Variants in TTLL4 observed in about 807,000 individuals in gnomAD.
The protein encoded by TTLL4 is tubulin tyrosine ligase like 4.
TTLL4 carries 85 observed loss-of-function variants against 122.7 expected under a neutral mutation model. The observed-to-expected ratio is 0.69, with a 90% CI of 0.58 to 0.83. TTLL4 has a LOEUF of 0.83. Among genes scored for constraint, TTLL4 ranks in the 40% least tolerant of loss-of-function variants. TTLL4 has a pLI of 0.00. For synonymous variants in TTLL4, 553 were observed against 563.0 expected (o/e 0.98, Z 0.25); for missense variants, 1,363 against 1,488.6 (o/e 0.92, Z 1.39).
intron 5 of TTLL4, among the ~76,000 whole-genome samples, chr2:218,741,923 A>G (rs1041461210): frequency 2.0e-5 from 3 of 152,228 alleles, no homozygotes; most frequent in Non-Finnish European, 4.4e-5. Flanking sequence ...CTTTTTCTCT[A>G]TATGAGGCTT....
At chr2:218,753,783 G>C (rs1299671976) in intron 19 of TTLL4, 114 bp downstream of exon 19, 1 of 1,181,486 alleles carries the variant, frequency 8.5e-7, no homozygotes, top group African/African-American at 1.5e-5. Context: ...CTGGGGGTTG[G>C]TGGGAGCGTC....
intron 1 of TTLL4, among the ~76,000 whole-genome samples, chr2:218,722,115 C>T (rs1336977426): frequency 2.0e-5 from 3 of 152,038 alleles, no homozygotes; most frequent in Non-Finnish European, 4.4e-5. Context: ...GACCTTATCT[C>T]TACAAAAAAT....
intron 19 of TTLL4, 50 bp from the exon 20 acceptor site, chr2:218,754,084 C>G: frequency 1.2e-6 from 2 of 1,607,850 alleles, no homozygotes; most frequent in Non-Finnish European, 1.7e-6. Flanking sequence ...AAGGTAAAGT[C>G]TCAGTTAAAC....
At position 218,733,657 on chromosome 2, in the gene TTLL4, C is replaced by A. The variant is rs562750421; in HGVS notation, c.-98-3922C>A. ...CTTAGAGAGAAGAGAATCCACTCTACTCTAGTACCTGCCCAGGTGTGTTGT... is the reference window on the plus strand; with the variant it reads ...CTTAGAGAGAAGAGAATCCACTCTAATCTAGTACCTGCCCAGGTGTGTTGT... On this transcript the variant is annotated intron_variant, in intron 2 of 19. Transcript: ENST00000392102. 4.2e-4 allele frequency among the ~76,000 whole-genome samples: 64 copies of A among 152,348 alleles called. 1 individual carries two copies. Among genetic ancestry groups the A allele is most frequent in the African/African-American group, 1.5e-3 (62 of 41,576 alleles).
chr2:218,739,588 T>C (rs1247576036), intron 3 of TTLL4, among the ~76,000 whole-genome samples: 2 of 152,252 alleles, frequency 1.3e-5, no homozygotes, highest in East Asian at 3.8e-4. Flanking sequence ...ACTTTCCTAC[T>C]TTTTCCAAAC....
At chr2:218,718,232 A>G (rs919523898) in intron 1 of TTLL4, among the ~76,000 whole-genome samples, 9 of 152,218 alleles carry the variant, frequency 5.9e-5, no homozygotes, top group Non-Finnish European at 1.0e-4. Context: ...GCATTTCCCA[A>G]GAGCCACACT....
At position 218,717,801 on chromosome 2, in the gene TTLL4, CT is replaced by C. The variant is rs923415185; in HGVS notation, c.-178+6778del. ...CCAGGCAAGTCAGTTCTATCTTCTTCTTTTTTTTTTTTTTGGAGACAGAGTC... is the reference window on the plus strand; with the variant it reads ...CCAGGCAAGTCAGTTCTATCTTCTTCTTTTTTTTTTTTTGGAGACAGAGTC... On this transcript the variant is annotated intron_variant, in intron 1 of 19. Transcript: ENST00000392102. Among the ~76,000 whole-genome samples, 386 of 144,042 alleles carry C rather than the reference CT, an allele frequency of 2.7e-3. 1 individual carries two copies. Among genetic ancestry groups the C allele is most frequent in the Middle Eastern group, 3.6e-3 (1 of 274 alleles). 94.5% of individuals were successfully genotyped at this position (144,042 alleles called of 152,430 possible).
At chr2:218,742,017 G>A (rs1942715151) in intron 5 of TTLL4, among the ~76,000 whole-genome samples, 1 of 152,138 alleles carries the variant, frequency 6.6e-6, no homozygotes, top group African/African-American at 2.4e-5. Flanking sequence ...CTAGAGTGCA[G>A]TGGATCCATC....
chr2:218,725,632 C>T (rs548252354), intron 1 of TTLL4, among the ~76,000 whole-genome samples: 46 of 151,814 alleles, frequency 3.0e-4, no homozygotes, highest in Non-Finnish European at 3.5e-4. Flanking sequence ...CTCGGCTCAC[C>T]GCAACCTCCA....
intron 19 of TTLL4, 65 bp downstream of exon 19, chr2:218,753,734 C>T (rs913399214): frequency 1.5e-5 from 24 of 1,551,188 alleles, no homozygotes; most frequent in Non-Finnish European, 2.0e-5. Context: ...CTTCCTTCCC[C>T]TCTTCCCAGA....
intron 1 of TTLL4, among the ~76,000 whole-genome samples, chr2:218,726,083 C>T (rs1254072809): frequency 4.6e-5 from 7 of 152,036 alleles, no homozygotes; most frequent in Non-Finnish European, 8.8e-5. Flanking sequence ...CTATCTTTAG[C>T]ATTACTTTTA....
intron 1 of TTLL4, among the ~76,000 whole-genome samples, chr2:218,717,006 T>C (rs1356079577): frequency 6.6e-6 from 1 of 151,238 alleles, no homozygotes; most frequent in Non-Finnish European, 1.5e-5. Context: ...TTTCTTTTTC[T>C]TTTTTTTTGT....
Position 218,745,672 on chromosome 2 carries a change from C to G in TTLL4, c.1787-19C>G, listed in dbSNP as rs1487044051. 2 of 1,535,438 alleles carry G rather than the reference C, an allele frequency of 1.3e-6. No individual in the cohort carries two copies. The highest frequency in any genetic ancestry group is 1.8e-6 in the Non-Finnish European group (2 of 1,117,508). On this transcript the variant is annotated intron_variant, in intron 6 of 19. Transcript: ENST00000392102. ...CTCCTCTCCATCCCCCATCCCCACACCCCTTGCATTCTTCCCAGTGGAGAA... is the reference window on the plus strand; with the variant it reads ...CTCCTCTCCATCCCCCATCCCCACAGCCCTTGCATTCTTCCCAGTGGAGAA...
intron 2 of TTLL4, among the ~76,000 whole-genome samples, chr2:218,733,186 C>A (rs1314857445): frequency 6.6e-6 from 1 of 152,140 alleles, no homozygotes; most frequent in Non-Finnish European, 1.5e-5. Context: ...CCTTATCCAA[C>A]TTGCTATACT....
At chr2:218,721,204 TG>T (rs977499658) in intron 1 of TTLL4, among the ~76,000 whole-genome samples, 30 of 151,270 alleles carry the variant, frequency 2.0e-4, no homozygotes, top group African/African-American at 6.4e-4. Context: ...TCAAACCCCA[TG>T]GGGGGGTTTT....
chr2:218,720,838 C>T (rs1014484355), intron 1 of TTLL4, among the ~76,000 whole-genome samples: 4 of 152,038 alleles, frequency 2.6e-5, no homozygotes, highest in East Asian at 3.9e-4. Flanking sequence ...GGCTGATTGC[C>T]GAGAGAACCA....
chr2:218,752,630 C>A, intron 16 of TTLL4, 133 bp from the exon 17 acceptor site: 1 of 874,210 alleles, frequency 1.1e-6, no homozygotes, highest in Non-Finnish European at 1.8e-6. Flanking sequence ...CACTAGGCTG[C>A]CCTCAGTAGT....
chr2:218,715,389 TTGTTA>T (rs1373609998), intron 1 of TTLL4, among the ~76,000 whole-genome samples: 1 of 152,204 alleles, frequency 6.6e-6, no homozygotes, highest in African/African-American at 2.4e-5. Flanking sequence ...ATTTCATACT[TTGTTA>T]TGTTAAAATC....
Position 218,737,908 on chromosome 2 carries a change from C to T in TTLL4, c.232C>T (p.Pro78Ser), listed in dbSNP as rs1942575421. 1 of 1,614,132 alleles carries T rather than the reference C, an allele frequency of 6.2e-7. No homozygotes were observed. Among genetic ancestry groups the T allele is most frequent in the Non-Finnish European group, 8.5e-7 (1 of 1,180,058 alleles). ...AGGCCTCTTGGGCGTCCCACCCCAG[C>T]CAGCATATTTCTTTTGCCCCAGCAC... ...GPGLLGVPPQ[P>S]AYFFCPSTLC... Residue 78 changes from proline (P) to serine (S), a missense_variant, in exon 3 of 20, where the codon CCA becomes TCA. Physicochemically the swap from Pro to Ser is moderately conservative, Grantham distance 74. Coordinates refer to ENST00000392102, the MANE Select transcript of TTLL4 (RefSeq NM_014640.5).
Sources: gnomAD v4.1 joint callset for allele counts (sites outside exome capture counted in the v4.1 genomes callset) on GRCh38, gnomAD v4.1.1 for gene constraint, MANE v1.5 for transcripts, NCBI Gene and HGNC (gene_info 2026-07-23, HGNC 2026-07-21) for gene names.